The following FAM120A variants were observed in gnomAD, a reference collection of about 807,000 sequenced individuals.
FAM120A encodes constitutive coactivator of PPAR-gamma-like protein 1.
FAM120A carries 15 observed loss-of-function variants against 109.7 expected under a neutral mutation model. That is an observed-to-expected ratio of 0.14 (90% CI 0.09 to 0.21). The LOEUF (loss-of-function observed/expected upper bound fraction) is 0.21. Among genes scored for constraint, FAM120A ranks in the 10% least tolerant of loss-of-function variants. The probability of loss-of-function intolerance (pLI) is 1.00; values close to 1 mark genes in which losing one functional copy is unlikely to be tolerated. For missense variants in FAM120A, 899 were observed against 1,439.3 expected (o/e 0.62, Z 6.07); for synonymous variants, 493 against 572.8 (o/e 0.86, Z 1.99).
chr9:93,523,864 A>G (rs889682913), intron 7 of FAM120A, among the ~76,000 whole-genome samples: 1 of 152,272 alleles, frequency 6.6e-6, no homozygotes, highest in Admixed American at 6.5e-5. Flanking sequence ...TAACTAGAGC[A>G]TGAGGAGACT....
chr9:93,493,652 C>T (rs969760011), intron 3 of FAM120A, among the ~76,000 whole-genome samples: 3 of 152,150 alleles, frequency 2.0e-5, no homozygotes, highest in Non-Finnish European at 4.4e-5. Flanking sequence ...CGTCCGGGAC[C>T]CAACTACAGG....
In FAM120A at chr9:93,493,899, G is replaced by C. The variant is rs181518142; in HGVS notation, c.805-3572G>C. ...AGCTCCTGGAGCGCTCTCTCAGTGG[G>C]CCTGGCAGCCATCCAGCCTTCCTGG... is the stretch of plus-strand genomic sequence containing the variant. On this transcript the variant is annotated intron_variant, in intron 3 of 17. Coordinates refer to ENST00000277165, the MANE Select transcript of FAM120A (RefSeq NM_014612.5). Among the ~76,000 whole-genome samples the C allele has an allele frequency of 7.9e-5, 12 of 152,344 alleles. 1 individual carries two copies. The East Asian group carries it at 2.1e-3, about 27-fold the overall frequency.
In FAM120A at chr9:93,452,953, C is replaced by G; in HGVS notation, c.474+564C>G. On this transcript the variant is annotated intron_variant, in intron 1 of 17. Transcript: ENST00000277165. The surrounding 1 kb of genome is among the most constrained non-coding windows in gnomAD (Gnocchi z 7.0). ...CTAAGGGCCAGTGCCCTGGCCTCTA[C>G]TTCAGAACGCAGTGCCCTGTCCGTG... The G allele has an allele frequency of 7.2e-7, 1 of 1,387,044 alleles. No homozygotes were observed. Among genetic ancestry groups the G allele is most frequent in the Non-Finnish European group, 9.3e-7 (1 of 1,075,374 alleles). The allele number at this position is 1,387,044 out of a possible 1,614,324, so 85.9% of individuals were successfully genotyped here. A position where few individuals can be genotyped will look rare whatever the true frequency, so the allele number is the denominator to read the frequency against.
intron 3 of FAM120A, among the ~76,000 whole-genome samples, chr9:93,488,374 C>T (rs1316635394): frequency 6.6e-6 from 1 of 150,928 alleles, no homozygotes; most frequent in African/African-American, 2.4e-5. Context: ...CATCATAATC[C>T]TCCTCTCCTC....
At chr9:93,483,538 A>G (rs1858913004) in intron 3 of FAM120A, among the ~76,000 whole-genome samples, 1 of 152,140 alleles carries the variant, frequency 6.6e-6, no homozygotes, top group Non-Finnish European at 1.5e-5. Flanking sequence ...CTTTTTAAAA[A>G]TTCATTTTTA....
chr9:93,511,821 C>G (rs1026722736), intron 5 of FAM120A, among the ~76,000 whole-genome samples: 23 of 152,340 alleles, frequency 1.5e-4, no homozygotes, highest in African/African-American at 5.5e-4. Flanking sequence ...GAGATGGAGT[C>G]TCATTCTGTC....
intron 3 of FAM120A, among the ~76,000 whole-genome samples, chr9:93,489,114 A>G (rs1859200997): frequency 6.6e-6 from 1 of 152,188 alleles, no homozygotes; most frequent in South Asian, 2.1e-4. Flanking sequence ...CCATCTTTTC[A>G]TTAAATAAGC....
At chr9:93,494,689 TG>T (rs1195016589) in intron 3 of FAM120A, among the ~76,000 whole-genome samples, 2 of 152,210 alleles carry the variant, frequency 1.3e-5, no homozygotes, top group Non-Finnish European at 2.9e-5. Flanking sequence ...GTGAAGCATG[TG>T]GGACCTGCTT....
At chr9:93,507,665 A>G (rs1056717729) in intron 5 of FAM120A, among the ~76,000 whole-genome samples, 1 of 152,110 alleles carries the variant, frequency 6.6e-6, no homozygotes, top group Non-Finnish European at 1.5e-5. Flanking sequence ...CCCTGTGCAC[A>G]GTTGTTAGCA....
At chr9:93,555,205 C>A (rs1862250149) in intron 12 of FAM120A, among the ~76,000 whole-genome samples, 1 of 152,160 alleles carries the variant, frequency 6.6e-6, no homozygotes, top group South Asian at 2.1e-4. Flanking sequence ...CACTTCCCAA[C>A]AACTGCATGG....
chr9:93,485,725 G>A (rs1320964075), intron 3 of FAM120A, among the ~76,000 whole-genome samples: 1 of 151,662 alleles, frequency 6.6e-6, no homozygotes, highest in African/African-American at 2.4e-5. Flanking sequence ...CCCTCTTGCT[G>A]TGTCTTTGAG....
intron 11 of FAM120A, among the ~76,000 whole-genome samples, chr9:93,545,455 C>T (rs899850176): frequency 2.0e-5 from 3 of 152,210 alleles, no homozygotes; most frequent in African/African-American, 7.2e-5. Flanking sequence ...GCTGGGAAGC[C>T]CCATGGCCCC....
chr9:93,474,795 G>A (rs1336998666), intron 2 of FAM120A, among the ~76,000 whole-genome samples: 7 of 152,180 alleles, frequency 4.6e-5, no homozygotes, highest in Admixed American at 3.3e-4. Context: ...GGGTTTCACC[G>A]TGTTAGCCAG....
chr9:93,561,722 G>A (rs571158529), intron 16 of FAM120A, among the ~76,000 whole-genome samples: 5 of 151,944 alleles, frequency 3.3e-5, no homozygotes, highest in Non-Finnish European at 5.9e-5. Context: ...TGTTTGCATA[G>A]GATCCCATTT....
At position 93,557,982 on chromosome 9, in the gene FAM120A, C is replaced by A; in HGVS notation, c.2640C>A (p.Pro880=). ...AYPRHFGPVP[P]SQGRGRGFAG... ...CCCGGCACTTTGGGCCTGTCCCACC[C>A]TCTCAGGGCAGGGGCAGAGGCTTTG... The change falls in exon 14 of 18, where the codon CCC becomes CCA. Residue 880 remains proline (P), a synonymous_variant. Coordinates refer to ENST00000277165, the MANE Select transcript of FAM120A (RefSeq NM_014612.5). The A allele has an allele frequency of 6.2e-7, 1 of 1,601,254 alleles. No homozygotes were observed. The highest frequency in any genetic ancestry group is 8.5e-7 in the Non-Finnish European group (1 of 1,179,290).
In FAM120A at chr9:93,498,884, TA is replaced by T; in HGVS notation, c.1029del (p.Ala344GlnfsTer69). 6.4e-7 allele frequency: 1 copy of T among 1,558,268 alleles called. No individual in the cohort carries two copies. Among genetic ancestry groups the T allele is most frequent in the Non-Finnish European group, 8.9e-7 (1 of 1,129,186 alleles). ...ATGTCATTTCATCCACCACATTACT[TA>T]GGTAAGTAAATAAAAGCCTGTGATC... ...KPMSFHPPHY[L>X]AARPGPFGMP... On this transcript the variant is annotated frameshift_variant and splice_region_variant, in exon 5 of 18. Coordinates refer to ENST00000277165, the MANE Select transcript of FAM120A (RefSeq NM_014612.5). LOFTEE classifies it high-confidence loss of function. This position sits in a 1 kb window ranked among gnomAD's most constrained non-coding sequence, Gnocchi z 4.4.
chr9:93,530,314 A>G (rs935905953), intron 9 of FAM120A: 1 of 152,308 alleles, frequency 6.6e-6, no homozygotes, highest in Non-Finnish European at 1.5e-5. Flanking sequence ...CAATTTAACA[A>G]GTTACCTCAG....
At chr9:93,503,695 G>A (rs899208934) in intron 5 of FAM120A, among the ~76,000 whole-genome samples, 1 of 152,116 alleles carries the variant, frequency 6.6e-6, no homozygotes, top group African/African-American at 2.4e-5. Context: ...AGCACCAAGA[G>A]TGAACCCTAA....
At chr9:93,520,710 G>A (rs1471910396) in intron 7 of FAM120A, among the ~76,000 whole-genome samples, 1 of 152,202 alleles carries the variant, frequency 6.6e-6, no homozygotes, top group Non-Finnish European at 1.5e-5. Flanking sequence ...TGGTGGAACA[G>A]ATGTGTGTGC....
Sources: gnomAD v4.1 joint callset for allele counts (sites outside exome capture counted in the v4.1 genomes callset) on GRCh38, gnomAD v4.1.1 for gene constraint, Gnocchi (gnomAD v3.1) non-coding constraint, MANE v1.5 for transcripts, NCBI Gene and HGNC (gene_info 2026-07-23, HGNC 2026-07-21) for gene names.